KCNJ6: variants seen among roughly 807,000 people sequenced by gnomAD.
The protein encoded by KCNJ6 is G protein-activated inward rectifier potassium channel 2.
In KCNJ6, 9 loss-of-function variants were observed where a neutral mutation model predicts 34.2. That is an observed-to-expected ratio of 0.26 (90% CI 0.16 to 0.46). KCNJ6 has a LOEUF of 0.46. Among genes scored for constraint, KCNJ6 ranks in the 20% least tolerant of loss-of-function variants. The pLI, the probability that KCNJ6 is intolerant of heterozygous loss-of-function variation, is 1.00. For synonymous variants in KCNJ6, 196 were observed against 207.1 expected, an observed-to-expected ratio of 0.95 and a Z score of 0.46; for missense variants, 236 against 531.3, an observed-to-expected ratio of 0.44 and a Z score of 5.46.
chr21:37,755,179 G>A (rs561861380), intron 2 of KCNJ6, among the ~76,000 whole-genome samples: 1 of 152,222 alleles, frequency 6.6e-6, no homozygotes, highest in Non-Finnish European at 1.5e-5. Context: ...TAGCACCGTG[G>A]AAGGAACAGA....
chr21:37,649,146 A>AC (rs1358354965), intron 3 of KCNJ6, among the ~76,000 whole-genome samples: 39 of 149,848 alleles, frequency 2.6e-4, no homozygotes, highest in African/African-American at 9.6e-4. Flanking sequence ...AAAAAAAAAA[A>AC]AAAAAAAAGA....
At position 37,624,939 on chromosome 21, in the gene KCNJ6, C is replaced by A; in HGVS notation, c.*220G>T. On this transcript the variant is annotated 3_prime_UTR_variant, in exon 4 of 4. Transcript: ENST00000609713. The stretch of plus-strand genomic sequence containing the variant: ...ACCAGGCTTGGGCCACAAATGAGGG[C>A]ACTTTGCACTTTCATCAAATCCATG... 1.8e-6 allele frequency: 1 copy of A among 570,714 alleles called. No individual in the cohort carries two copies. The highest frequency in any genetic ancestry group is 2.9e-5 in the East Asian group (1 of 34,490). The allele number at this position is 570,714 out of a possible 1,614,324, so 35.4% of individuals were successfully genotyped here.
chr21:37,761,736 C>T (rs1568839066), intron 2 of KCNJ6, among the ~76,000 whole-genome samples: 5 of 144,016 alleles, frequency 3.5e-5, no homozygotes, highest in South Asian at 4.5e-4. Flanking sequence ...TGGTGTGTGT[C>T]GTGTGTGTGG....
chr21:37,879,775 C>T (rs1431288738), intron 1 of KCNJ6, among the ~76,000 whole-genome samples: 1 of 126,908 alleles, frequency 7.9e-6, no homozygotes, highest in South Asian at 2.5e-4. Flanking sequence ...GAGAGAGAGA[C>T]AGAGAGAGAG....
chr21:37,731,633 T>TAATAAA (rs2054886036), intron 2 of KCNJ6, among the ~76,000 whole-genome samples: 2 of 152,218 alleles, frequency 1.3e-5, no homozygotes, highest in Non-Finnish European at 2.9e-5. Context: ...GTGATTGCTC[T>TAATAAA]AAGTCTAGGG....
chr21:37,789,714 G>T (rs1214249623), intron 2 of KCNJ6, among the ~76,000 whole-genome samples: 2 of 152,190 alleles, frequency 1.3e-5, no homozygotes, highest in Non-Finnish European at 2.9e-5. Flanking sequence ...CTACCACCAA[G>T]TTTACATTGC....
chr21:37,796,779 C>T (rs865965536), intron 2 of KCNJ6, among the ~76,000 whole-genome samples: 3 of 71,478 alleles, frequency 4.2e-5, no homozygotes, highest in South Asian at 5.1e-4. Context: ...TTCTTTCTTT[C>T]TTTTTTTTTT....
intron 3 of KCNJ6, among the ~76,000 whole-genome samples, chr21:37,627,433 G>A (rs1165949381): frequency 6.6e-6 from 1 of 152,132 alleles, no homozygotes; most frequent in Non-Finnish European, 1.5e-5. Context: ...TTCTTTATCT[G>A]TGCTTGAGGG....
At chr21:37,809,222 G>T (rs984374909) in intron 2 of KCNJ6, among the ~76,000 whole-genome samples, 2 of 152,160 alleles carry the variant, frequency 1.3e-5, no homozygotes, top group African/African-American at 4.8e-5. Context: ...CATGTCCTTT[G>T]TAGGGACATG....
chr21:37,633,659 TATACCAGCA>T (rs2054343728), intron 3 of KCNJ6, among the ~76,000 whole-genome samples: 1 of 152,148 alleles, frequency 6.6e-6, no homozygotes, highest in Non-Finnish European at 1.5e-5. Flanking sequence ...TATCTTTTTA[TATACCAGCA>T]ACAAATAAAA....
At chr21:37,770,083 G>T (rs905760405) in intron 2 of KCNJ6, among the ~76,000 whole-genome samples, 1 of 152,118 alleles carries the variant, frequency 6.6e-6, no homozygotes, top group East Asian at 1.9e-4. Flanking sequence ...GAGACATTTC[G>T]GCAGATCCTT....
intron 2 of KCNJ6, among the ~76,000 whole-genome samples, chr21:37,748,747 T>C (rs1013336191): frequency 1.3e-5 from 2 of 152,226 alleles, no homozygotes; most frequent in Non-Finnish European, 2.9e-5. Flanking sequence ...TTGTTCACTT[T>C]ATGCAAATTC....
chr21:37,774,907 T>A (rs971816969), intron 2 of KCNJ6, among the ~76,000 whole-genome samples: 11 of 152,198 alleles, frequency 7.2e-5, no homozygotes, highest in Admixed American at 7.2e-4. Flanking sequence ...TAGTTATAGA[T>A]CCCTGAGGAA....
At chr21:37,640,892 A>C (rs376633641) in intron 3 of KCNJ6, among the ~76,000 whole-genome samples, 14 of 152,342 alleles carry the variant, frequency 9.2e-5, no homozygotes, top group African/African-American at 3.4e-4. Context: ...TCAGGTGCTC[A>C]TGAACTCACT....
intron 2 of KCNJ6, among the ~76,000 whole-genome samples, chr21:37,774,849 C>T (rs1224104944): frequency 6.6e-6 from 1 of 152,148 alleles, no homozygotes; most frequent in Non-Finnish European, 1.5e-5. Context: ...ATTTATAATC[C>T]TTTGGGTATA....
At chr21:37,897,503 T>C (rs2055794738) in intron 1 of KCNJ6, among the ~76,000 whole-genome samples, 1 of 152,238 alleles carries the variant, frequency 6.6e-6, no homozygotes, top group Non-Finnish European at 1.5e-5. Context: ...AAATCTTGCT[T>C]TAGCTGCTGA....
chr21:37,702,736 G>C (rs1359889599), intron 3 of KCNJ6, among the ~76,000 whole-genome samples: 1 of 152,212 alleles, frequency 6.6e-6, no homozygotes, highest in African/African-American at 2.4e-5. Context: ...GTTGGAATAG[G>C]CTCTGAGGCA....
At chr21:37,879,154 T>C (rs919435797) in intron 1 of KCNJ6, among the ~76,000 whole-genome samples, 7 of 152,168 alleles carry the variant, frequency 4.6e-5, no homozygotes, top group Non-Finnish European at 7.3e-5. Flanking sequence ...TACTGAGTAA[T>C]GGGAGTGGTC....
intron 2 of KCNJ6, among the ~76,000 whole-genome samples, chr21:37,751,282 G>A (rs531352175): frequency 6.6e-6 from 1 of 152,270 alleles, no homozygotes; most frequent in South Asian, 2.1e-4. Context: ...AATAATTCAC[G>A]ATGTGGCTGT....
Sources: gnomAD v4.1 joint callset for allele counts (sites outside exome capture counted in the v4.1 genomes callset) on GRCh38, gnomAD v4.1.1 for gene constraint, MANE v1.5 for transcripts, NCBI Gene and HGNC (gene_info 2026-07-23, HGNC 2026-07-21) for gene names.